UBAP2: variants seen among roughly 807,000 people sequenced by gnomAD.
The protein encoded by UBAP2 is ubiquitin associated protein 2, also known as ubiquitin-associated protein 2.
Under a neutral mutation model 139.6 loss-of-function variants are expected in UBAP2, and 75 were observed. That is an observed-to-expected ratio of 0.54 (90% CI 0.45 to 0.65). The LOEUF (loss-of-function observed/expected upper bound fraction) is 0.65. UBAP2 is among the 30% of genes least tolerant of loss of function. UBAP2 has a pLI of 0.00. For missense variants in UBAP2, 1,368 were observed against 1,369.6 expected (o/e 1.00, Z 0.02); for synonymous variants, 526 against 526.2 (o/e 1.00, Z 0.01).
chr9:33,945,783 A>G (rs770591702), intron 13 of UBAP2, among the ~76,000 whole-genome samples: 7 of 152,236 alleles, frequency 4.6e-5, no homozygotes, highest in Non-Finnish European at 8.8e-5. Flanking sequence ...TTTGGTGACT[A>G]CACAGAAATC....
rs1321174650 is a variant in UBAP2, at chr9:34,016,370, C to CGGCGGT, written c.99+679_99+680insACCGCC. The stretch of plus-strand genomic sequence containing the variant: ...GAGGAGGCAGCAGCGGCGGCAGCGG[C>CGGCGGT]GGTGGTGGTGGTGGTGGTGGTGGTG... On this transcript the variant is annotated intron_variant, in intron 2 of 28. Transcript: ENST00000379238. Among the ~76,000 whole-genome samples, 22 of 93,732 alleles carry CGGCGGT rather than the reference C, an allele frequency of 2.3e-4. 1 individual carries two copies. Among genetic ancestry groups the CGGCGGT allele is most frequent in the South Asian group, 1.7e-3 (4 of 2,300 alleles). 61.5% of individuals were successfully genotyped at this position (93,732 alleles called of 152,430 possible).
intron 1 of UBAP2, among the ~76,000 whole-genome samples, chr9:34,020,922 A>G (rs1482471348): frequency 6.6e-6 from 1 of 152,070 alleles, no homozygotes; most frequent in Non-Finnish European, 1.5e-5. Context: ...TCGGCCTCCC[A>G]AAGTGGTGGG....
chr9:33,941,791 G>A lies in UBAP2; in HGVS notation c.1787C>T (p.Thr596Ile), dbSNP rs373703211. 6 of 1,613,978 alleles carry A rather than the reference G, an allele frequency of 3.7e-6. No individual in the cohort carries two copies. The African/African-American group carries it at 4.0e-5, about 11-fold the overall frequency. Residue 596 changes from threonine to isoleucine, a missense_variant, in exon 16 of 29, where the codon ACC becomes ATC. Physicochemically the swap from Thr to Ile is moderately conservative, Grantham distance 89. Transcript: ENST00000379238. Reference protein sequence around the residue: ...QNSTYTTSVITSCSLTSSSLN... With the variant: ...QNSTYTTSVIISCSLTSSSLN... ...TGATGAGCTTGTCAGACTGCAGGAG[G>A]TAATGACGGAAGTTGTATATGTGGA... is the stretch of plus-strand genomic sequence containing the variant.
intron 6 of UBAP2, among the ~76,000 whole-genome samples, chr9:33,986,099 C>G (rs1391439592): frequency 2.7e-5 from 4 of 150,074 alleles, no homozygotes; most frequent in Non-Finnish European, 5.9e-5. Context: ...CTTGCCCAGG[C>G]TGGAGTGCAG....
At chr9:34,010,017 G>A (rs571569133) in intron 2 of UBAP2, among the ~76,000 whole-genome samples, 1 of 149,550 alleles carries the variant, frequency 6.7e-6, no homozygotes, top group East Asian at 2.0e-4. Flanking sequence ...ATCTTGGTCA[G>A]GCTGGTCTCA....
chr9:34,008,961 C>CAA lies in UBAP2; in HGVS notation c.99+8087_99+8088dup, dbSNP rs773189067. 1.7e-3 allele frequency among the ~76,000 whole-genome samples: 113 copies of CAA among 65,712 alleles called. 2 individuals carry two copies. The highest frequency in any genetic ancestry group is 3.7e-3 in the African/African-American group (58 of 15,556). 43.1% of individuals were successfully genotyped at this position (65,712 alleles called of 152,430 possible). A position where few individuals can be genotyped will look rare whatever the true frequency, so the allele number is the denominator to read the frequency against. The stretch of plus-strand genomic sequence containing the variant: ...GCCTGGCGACACAGCGAGACTGTCT[C>CAA]AAAAAAAAAAAAAAAAAAAAAAAAA... On this transcript the variant is annotated intron_variant, in intron 2 of 28. Transcript: ENST00000379238.
At chr9:33,965,638 T>C (rs1019475472) in intron 8 of UBAP2, among the ~76,000 whole-genome samples, 10 of 152,214 alleles carry the variant, frequency 6.6e-5, no homozygotes, top group African/African-American at 2.2e-4. Context: ...TGGCATTGAA[T>C]TGCCTCATAA....
intron 4 of UBAP2, 39 bp downstream of exon 4, chr9:33,996,184 G>A: frequency 6.7e-7 from 1 of 1,495,008 alleles, no homozygotes; most frequent in Admixed American, 1.7e-5. Flanking sequence ...CGGAATTGGA[G>A]ACAAATGTAA....
chr9:33,973,919 T>C (rs1481032898), intron 6 of UBAP2, among the ~76,000 whole-genome samples: 1 of 152,138 alleles, frequency 6.6e-6, no homozygotes, highest in Non-Finnish European at 1.5e-5. Context: ...ATTAAAAACT[T>C]TTCTGGGACA....
At chr9:33,928,578 T>C (rs892114599) in intron 19 of UBAP2, 1 of 152,292 alleles carries the variant, frequency 6.6e-6, no homozygotes, top group Non-Finnish European at 1.5e-5. Flanking sequence ...TAAAAGGGCA[T>C]GGCCTGCCAC....
intron 19 of UBAP2, 61 bp from the exon 20 acceptor site, chr9:33,928,053 AG>A (rs1823627826): frequency 6.6e-7 from 1 of 1,522,860 alleles, no homozygotes; most frequent in Non-Finnish European, 8.8e-7. Context: ...TGCTGGGGAG[AG>A]CCTGGCCTGG....
At chr9:34,026,849 T>C (rs1257018703) in intron 1 of UBAP2, among the ~76,000 whole-genome samples, 2 of 152,200 alleles carry the variant, frequency 1.3e-5, no homozygotes, top group South Asian at 4.1e-4. Context: ...TTAACTATTA[T>C]GCTATGTTGT....
intron 20 of UBAP2, 140 bp downstream of exon 20, chr9:33,927,657 T>G (rs985240252): frequency 1.2e-6 from 1 of 814,840 alleles, no homozygotes; most frequent in African/African-American, 1.7e-5. Flanking sequence ...GTGGGGAGAT[T>G]GGGCCTCAAG....
At chr9:34,014,324 CAAAAA>C (rs1170182976) in intron 2 of UBAP2, among the ~76,000 whole-genome samples, 8 of 55,670 alleles carry the variant, frequency 1.4e-4, no homozygotes, top group African/African-American at 2.2e-4. Context: ...GAGACTGTCT[CAAAAA>C]AAAAAAAAAA....
At position 33,923,380 on chromosome 9, in the gene UBAP2, T is replaced by A. The variant is rs771602474; in HGVS notation, c.2895A>T (p.Thr965=). The A allele has an allele frequency of 3.7e-6, 6 of 1,614,180 alleles. No individual in the cohort carries two copies. In the South Asian group the frequency reaches 6.6e-5, roughly 18 times the overall value. ...CTCTGTCTGGGAAGTACCCCTCACC[T>A]GTACTGTAGCCGTGCTGGCCATAAC... The part of the protein sequence containing the change: ...ASGYGQHGYS[T]GYDDLTQGTA... The change falls in exon 25 of 29, where the codon ACA becomes ACT. Residue 965 remains threonine, a splice_region_variant and synonymous_variant. Transcript: ENST00000379238.
chr9:34,020,516 G>A (rs1192917763), intron 1 of UBAP2, among the ~76,000 whole-genome samples: 2 of 151,724 alleles, frequency 1.3e-5, no homozygotes, highest in Admixed American at 1.3e-4. Context: ...AGTAGAGATG[G>A]GGTTTGGCCA....
intron 10 of UBAP2, among the ~76,000 whole-genome samples, chr9:33,959,612 C>CA (rs562373493): frequency 7.3e-4 from 111 of 151,234 alleles, no homozygotes; most frequent in African/African-American, 2.5e-3. Context: ...CTTATTTTTC[C>CA]AAAAAAAATA....
chr9:33,923,167 A>C lies in UBAP2; in HGVS notation c.3004+19T>G. The C allele has an allele frequency of 2.5e-6, 4 of 1,613,892 alleles. No homozygotes were observed. Among genetic ancestry groups the C allele is most frequent in the Non-Finnish European group, 3.4e-6 (4 of 1,179,748 alleles). On this transcript the variant is annotated intron_variant, in intron 26 of 28. Transcript: ENST00000379238. ...CCACCACTCCAGGCCTTATCCTGGAAAGGAGAGGTAAACACTACCTTTGCC... is the reference window on the plus strand; with the variant it reads ...CCACCACTCCAGGCCTTATCCTGGACAGGAGAGGTAAACACTACCTTTGCC...
intron 6 of UBAP2, among the ~76,000 whole-genome samples, chr9:33,984,056 A>G (rs528084139): frequency 1.3e-5 from 2 of 152,066 alleles, no homozygotes; most frequent in South Asian, 4.2e-4. Flanking sequence ...GGCACACACC[A>G]CCATGCCCAG....
Sources: allele counts gnomAD v4.1 joint callset (sites outside exome capture counted in the v4.1 genomes callset), GRCh38; gene constraint gnomAD v4.1.1; transcripts MANE v1.5; gene names NCBI Gene and HGNC (gene_info 2026-07-23, HGNC 2026-07-21).